Variants in MID1 observed in about 807,000 individuals in gnomAD.
MID1 encodes the protein midline 1.
MID1 carries 7 observed loss-of-function variants against 40.4 expected under a neutral mutation model. The observed-to-expected ratio is 0.17, with a 90% CI of 0.10 to 0.33. The LOEUF (loss-of-function observed/expected upper bound fraction) is 0.33. MID1 is among the 10% of genes least tolerant of loss of function. The pLI is 1.00. For synonymous variants in MID1, 229 were observed against 221.2 expected, an observed-to-expected ratio of 1.04 and a Z score of -0.31; for missense variants, 367 against 558.5, an observed-to-expected ratio of 0.66 and a Z score of 3.46.
intron 3 of MID1, chrX:10,505,305 T>C (rs1602317309): frequency 4.1e-6 from 3 of 737,564 alleles, no homozygotes; most frequent in East Asian, 3.1e-4. Context: ...GACTTCAATC[T>C]TATATTCTTG....
At chrX:10,681,994 T>C (rs1472865238) in intron 1 of MID1, among the ~76,000 whole-genome samples, 1 of 111,614 alleles carries the variant, frequency 9.0e-6, no homozygotes, top group Non-Finnish European at 1.9e-5. Flanking sequence ...GAAAACATTC[T>C]GTGAGAAGCT....
At chrX:10,779,498 A>C (rs1237006556) in intron 1 of MID1, among the ~76,000 whole-genome samples, 5 of 112,465 alleles carry the variant, frequency 4.4e-5, no homozygotes, top group Non-Finnish European at 7.5e-5. Flanking sequence ...AGAAGGCCAT[A>C]TAATAAAAAC....
intron 8 of MID1, among the ~76,000 whole-genome samples, chrX:10,455,997 G>A (rs762236389): frequency 8.0e-5 from 9 of 112,300 alleles, no homozygotes; most frequent in Non-Finnish European, 1.3e-4. Flanking sequence ...GGTACAAGGC[G>A]TTTAAAGGCA....
At chrX:10,747,996 A>T (rs935060759) in intron 1 of MID1, among the ~76,000 whole-genome samples, 2 of 110,704 alleles carry the variant, frequency 1.8e-5, no homozygotes, top group African/African-American at 6.6e-5. Context: ...TAGGCATGTC[A>T]ATTTTCAATC....
At chrX:10,707,705 A>C (rs1318260119) in intron 1 of MID1, among the ~76,000 whole-genome samples, 2 of 112,330 alleles carry the variant, frequency 1.8e-5, no homozygotes, top group African/African-American at 3.2e-5. Flanking sequence ...CACATTTTTA[A>C]TCTGTGGCAG....
chrX:10,566,532 C>CCTCTCTCTCTCTCTCTCTCTCT (rs773613255), intron 2 of MID1, among the ~76,000 whole-genome samples: 2 of 52,862 alleles, frequency 3.8e-5, no homozygotes, highest in African/African-American at 6.0e-5. Flanking sequence ...CCTCTCTCTC[C>CCTCTCTCTCTCTCTCTCTCTCT]CTCTCTCTCT....
chrX:10,760,371 A>T (rs1376952391), intron 1 of MID1, among the ~76,000 whole-genome samples: 1 of 112,257 alleles, frequency 8.9e-6, no homozygotes, highest in African/African-American at 3.2e-5. Context: ...TCTTTATGCC[A>T]AAACTGTAAA....
intron 9 of MID1, among the ~76,000 whole-genome samples, chrX:10,449,939 G>C (rs113219446): frequency 2.7e-5 from 3 of 111,885 alleles, no homozygotes; most frequent in African/African-American, 6.5e-5. Flanking sequence ...AAGAAGCGTC[G>C]TATTTACCCA....
In MID1 at chrX:10,449,610, G is replaced by A; in HGVS notation, c.1762C>T (p.His588Tyr). 1 of 1,211,753 alleles carries A rather than the reference G, an allele frequency of 8.3e-7. No individual in the cohort carries two copies. The highest frequency in any genetic ancestry group is 1.1e-6 in the Non-Finnish European group (1 of 895,374). The stretch of plus-strand genomic sequence containing the variant: ...TCAATGGGGATTTCCTTGCTATTGT[G>A]TCTCACCACCCAGTTATTGTTGCAG... ...CRCNNNWVVR[H>Y]NSKEIPIEPA... The change falls in exon 10 of 10, where the codon CAC (histidine) becomes TAC (tyrosine). Residue 588 changes from histidine to tyrosine, a missense_variant. This residue lies in a region of MID1 where 275 missense variants were observed against 383.1 expected (regional missense o/e 0.72). Transcript: ENST00000317552.
intron 1 of MID1, among the ~76,000 whole-genome samples, chrX:10,593,864 A>G (rs929915609): frequency 2.7e-5 from 3 of 109,745 alleles, no homozygotes; most frequent in Non-Finnish European, 5.7e-5. Flanking sequence ...AAGCAATACT[A>G]GGCAAATTTA....
intron 5 of MID1, among the ~76,000 whole-genome samples, chrX:10,477,479 TGGAA>T (rs758822471): frequency 2.7e-5 from 3 of 112,109 alleles, no homozygotes; most frequent in Non-Finnish European, 5.6e-5. Context: ...TGTTTTTTGA[TGGAA>T]GGAAAGATAC....
At chrX:10,801,561 A>C (rs924802735) in intron 1 of MID1, among the ~76,000 whole-genome samples, 6 of 111,646 alleles carry the variant, frequency 5.4e-5, no homozygotes, top group Non-Finnish European at 9.4e-5. Context: ...ATAAATGGGG[A>C]TAAATATAAT....
chrX:10,448,241 A>C lies in MID1; in HGVS notation c.*1127T>G, dbSNP rs943265456. ...CTTTTGAGGCATGAATCTAGCAAATAGTACTTTATACAATGTCCCTTGTCA... is the reference window on the plus strand; with the variant it reads ...CTTTTGAGGCATGAATCTAGCAAATCGTACTTTATACAATGTCCCTTGTCA... On this transcript the variant is annotated 3_prime_UTR_variant, in exon 10 of 10. Transcript: ENST00000317552. 2 of 111,186 alleles carry C rather than the reference A, an allele frequency of 1.8e-5. No homozygotes were observed. The highest frequency in any genetic ancestry group is 6.6e-5 in the African/African-American group (2 of 30,488). The allele number at this position is 111,186 out of a possible 1,213,427, so 9.2% of individuals were successfully genotyped here.
intron 1 of MID1, among the ~76,000 whole-genome samples, chrX:10,763,464 C>T (rs1319842412): frequency 3.6e-5 from 4 of 110,781 alleles, no homozygotes; most frequent in Non-Finnish European, 7.5e-5. Context: ...TGGTCTCCAG[C>T]TTCATCCATG....
At chrX:10,549,556 G>A (rs1933828374) in intron 2 of MID1, among the ~76,000 whole-genome samples, 1 of 113,682 alleles carries the variant, frequency 8.8e-6, no homozygotes, top group Non-Finnish European at 1.9e-5. Context: ...GGCCTGCAAT[G>A]CCAGAAAGAT....
chrX:10,604,629 T>C (rs1009351958), intron 1 of MID1, among the ~76,000 whole-genome samples: 3 of 112,107 alleles, frequency 2.7e-5, no homozygotes, highest in Non-Finnish European at 5.6e-5. Flanking sequence ...CAATTAAATA[T>C]TTTCTCATAT....
chrX:10,572,657 AC>A (rs1363318347), intron 1 of MID1, among the ~76,000 whole-genome samples: 1 of 111,517 alleles, frequency 9.0e-6, no homozygotes, highest in African/African-American at 3.3e-5. Context: ...AAAAAAAAAA[AC>A]TTCTTCATTT....
chrX:10,558,151 C>T (rs1934197609), intron 2 of MID1, among the ~76,000 whole-genome samples: 1 of 110,316 alleles, frequency 9.1e-6, no homozygotes, highest in African/African-American at 3.3e-5. Flanking sequence ...TAAAGACTTT[C>T]AAGACCTTCC....
intron 6 of MID1, among the ~76,000 whole-genome samples, chrX:10,471,563 T>C (rs1231571105): frequency 8.9e-6 from 1 of 112,163 alleles, no homozygotes; most frequent in Non-Finnish European, 1.9e-5. Flanking sequence ...AGTATTCACA[T>C]GTGAGATTTA....
Sources: allele counts gnomAD v4.1 joint callset (sites outside exome capture counted in the v4.1 genomes callset), GRCh38; gene constraint gnomAD v4.1.1; regional missense constraint gnomAD v4.1.1; transcripts MANE v1.5; gene names NCBI Gene and HGNC (gene_info 2026-07-23, HGNC 2026-07-21).